FRMD5: variants seen among roughly 807,000 people sequenced by gnomAD.
The protein encoded by FRMD5 is FERM domain containing 5, also known as FERM domain-containing protein 5.
A neutral mutation model predicts 69.0 loss-of-function variants in FRMD5; 20 were observed. That is an observed-to-expected ratio of 0.29 (90% CI 0.20 to 0.42). The LOEUF (loss-of-function observed/expected upper bound fraction) is 0.42, where lower values mean the gene tolerates loss of function less well. Among genes scored for constraint, FRMD5 ranks in the 10% least tolerant of loss-of-function variants. The probability of loss-of-function intolerance (pLI) is 1.00; values close to 1 mark genes in which losing one functional copy is unlikely to be tolerated. For synonymous variants in FRMD5, 271 were observed against 260.1 expected, an observed-to-expected ratio of 1.04 and a Z score of -0.40; for missense variants, 595 against 708.6, an observed-to-expected ratio of 0.84 and a Z score of 1.82.
Position 44,191,141 on chromosome 15 carries a change from C to T in FRMD5, c.102+3812G>A, listed in dbSNP as rs147756143. On this transcript the variant is annotated intron_variant, in intron 1 of 13. Transcript: ENST00000417257. Reference sequence around the variant, plus strand: ...ATATGTCTCTCAGTAAAATCAAATTCATTTCTAGAGTAGCTCACCTTTCAG... The same window carrying T: ...ATATGTCTCTCAGTAAAATCAAATTTATTTCTAGAGTAGCTCACCTTTCAG... 2.5e-3 allele frequency among the ~76,000 whole-genome samples: 386 copies of T among 152,282 alleles called. 5 individuals carry two copies. The highest frequency in any genetic ancestry group is 8.7e-3 in the African/African-American group (363 of 41,568).
At chr15:43,921,712 C>T (rs1289778613) in intron 2 of FRMD5, among the ~76,000 whole-genome samples, 1 of 152,184 alleles carries the variant, frequency 6.6e-6, no homozygotes, top group Non-Finnish European at 1.5e-5. Flanking sequence ...AGGGTTTCCT[C>T]CCCTATCTGA....
At chr15:44,032,943 G>C (rs1891748494) in intron 1 of FRMD5, among the ~76,000 whole-genome samples, 1 of 152,096 alleles carries the variant, frequency 6.6e-6, no homozygotes, top group Admixed American at 6.5e-5. Context: ...CAACAGCAGA[G>C]ACAAGGAATC....
intron 1 of FRMD5, among the ~76,000 whole-genome samples, chr15:44,187,567 ATTT>A (rs34597404): frequency 2.8e-5 from 4 of 145,412 alleles, no homozygotes; most frequent in Non-Finnish European, 3.0e-5. Context: ...GCTTTTGGCA[ATTT>A]TTTTTTTTTT....
At chr15:44,146,119 C>T (rs1040172729) in intron 1 of FRMD5, among the ~76,000 whole-genome samples, 3 of 152,088 alleles carry the variant, frequency 2.0e-5, no homozygotes, top group Non-Finnish European at 2.9e-5. Context: ...TTAAGCCCCG[C>T]GTGCATTAGC....
At chr15:43,988,907 C>T (rs1298296044) in intron 1 of FRMD5, among the ~76,000 whole-genome samples, 9 of 152,224 alleles carry the variant, frequency 5.9e-5, no homozygotes, top group African/African-American at 1.2e-4. Flanking sequence ...CAACCAACTG[C>T]TGTCACCTTC....
chr15:44,148,195 A>G (rs2077385099), intron 1 of FRMD5, among the ~76,000 whole-genome samples: 1 of 152,188 alleles, frequency 6.6e-6, no homozygotes, highest in Non-Finnish European at 1.5e-5. Context: ...AAAAGTAAAA[A>G]TAATAAAATA....
chr15:44,022,136 G>C (rs1891235468), intron 1 of FRMD5, among the ~76,000 whole-genome samples: 1 of 152,140 alleles, frequency 6.6e-6, no homozygotes, highest in Admixed American at 6.6e-5. Flanking sequence ...TGTGAGGAGG[G>C]AGTAATAGTT....
At chr15:44,182,546 G>A (rs1056645214) in intron 1 of FRMD5, among the ~76,000 whole-genome samples, 7 of 151,950 alleles carry the variant, frequency 4.6e-5, no homozygotes, top group Admixed American at 4.6e-4. Flanking sequence ...AGCCAGGATG[G>A]TCTCGATCTG....
At chr15:44,156,423 C>T (rs1386897771) in intron 1 of FRMD5, among the ~76,000 whole-genome samples, 3 of 152,212 alleles carry the variant, frequency 2.0e-5, no homozygotes, top group Non-Finnish European at 4.4e-5. Context: ...GGATTACAGG[C>T]GTGGGCCACC....
intron 1 of FRMD5, among the ~76,000 whole-genome samples, chr15:44,036,252 T>C (rs1891904993): frequency 6.6e-6 from 1 of 152,070 alleles, no homozygotes; most frequent in Non-Finnish European, 1.5e-5. Flanking sequence ...AGGTTGAACT[T>C]CTCTCAAGTT....
rs1370687125 is a variant in FRMD5 at position 44,162,576 on chromosome 15, C to T, written c.102+32377G>A. On this transcript the variant is annotated intron_variant, in intron 1 of 13. Coordinates refer to ENST00000417257, the MANE Select transcript of FRMD5 (RefSeq NM_032892.5). ...ATTTAATGTTCTCTTTGTCTTAAAA[C>T]TCCCATGTCGGCCGGGCGCGGTGAC... Among the ~76,000 whole-genome samples the T allele has an allele frequency of 2.0e-5, 3 of 152,002 alleles. No individual in the cohort carries two copies. The East Asian group carries it at 5.8e-4, about 29-fold the overall frequency.
rs143488132 is a variant in FRMD5, at chr15:43,969,115, T to C, written c.103-44806A>G. Among the ~76,000 whole-genome samples, 1,076 of 150,928 alleles carry C rather than the reference T, an allele frequency of 7.1e-3. 20 individuals carry two copies. Among genetic ancestry groups the C allele is most frequent in the African/African-American group, 0.025 (1,026 of 41,082 alleles). ...TTTTTTTTTTTTTTTGGAGACAGGA[T>C]CTTGCTCTGTCATCCAGGCTGGAAT... is the stretch of plus-strand genomic sequence containing the variant. On this transcript the variant is annotated intron_variant, in intron 1 of 13. Coordinates refer to ENST00000417257, the MANE Select transcript of FRMD5 (RefSeq NM_032892.5).
chr15:44,173,010 G>A (rs1460005739), intron 1 of FRMD5, among the ~76,000 whole-genome samples: 39 of 152,140 alleles, frequency 2.6e-4, no homozygotes, highest in Admixed American at 2.4e-3. Flanking sequence ...ATCAACACAT[G>A]AAATCGCTTG....
chr15:43,956,765 G>C (rs2090122207), intron 1 of FRMD5, among the ~76,000 whole-genome samples: 1 of 152,190 alleles, frequency 6.6e-6, no homozygotes, highest in South Asian at 2.1e-4. Flanking sequence ...AGAAAGGCTG[G>C]AAATGATGAG....
chr15:43,956,877 G>A (rs1566860574), intron 1 of FRMD5, among the ~76,000 whole-genome samples: 1 of 152,054 alleles, frequency 6.6e-6, no homozygotes, highest in African/African-American at 2.4e-5. Flanking sequence ...TTTCTCTTTT[G>A]TCTCTACAAA....
intron 1 of FRMD5, among the ~76,000 whole-genome samples, chr15:44,104,430 C>G (rs79037212): frequency 4.6e-5 from 7 of 152,262 alleles, no homozygotes; most frequent in African/African-American, 1.4e-4. Context: ...TAGTGTACAT[C>G]AATGTCTGAG....
chr15:44,062,823 TA>T (rs940284629), intron 1 of FRMD5, among the ~76,000 whole-genome samples: 1 of 152,168 alleles, frequency 6.6e-6, no homozygotes, highest in Non-Finnish European at 1.5e-5. Flanking sequence ...GGGACTACTG[TA>T]ATTTTTTTTG....
intron 1 of FRMD5, among the ~76,000 whole-genome samples, chr15:44,055,055 G>C (rs1257195933): frequency 1.4e-5 from 2 of 140,142 alleles, no homozygotes; most frequent in Non-Finnish European, 3.0e-5. Context: ...GGGTGACAGA[G>C]CAAGACTCTG....
intron 1 of FRMD5, among the ~76,000 whole-genome samples, chr15:43,987,711 G>T (rs1195172772): frequency 6.6e-6 from 1 of 151,860 alleles, no homozygotes; most frequent in Non-Finnish European, 1.5e-5. Context: ...CACCACGCCT[G>T]GCTAATTTTT....
Sources: gnomAD v4.1 joint callset for allele counts (sites outside exome capture counted in the v4.1 genomes callset) on GRCh38, gnomAD v4.1.1 for gene constraint, MANE v1.5 for transcripts, NCBI Gene and HGNC (gene_info 2026-07-23, HGNC 2026-07-21) for gene names.